The following ADAMTSL3 variants were observed in gnomAD, a reference collection of about 807,000 sequenced individuals.
The protein encoded by ADAMTSL3 is ADAMTS like 3, also known as ADAMTS-like protein 3.
A neutral mutation model predicts 201.7 loss-of-function variants in ADAMTSL3; 128 were observed. The ratio of observed to expected loss-of-function variants is 0.63; its 90% CI spans 0.55 to 0.73. The LOEUF is 0.73. Ranked by LOEUF, ADAMTSL3 falls within the 30% of genes least tolerant of loss-of-function variation. The pLI, the probability that ADAMTSL3 is intolerant of heterozygous loss-of-function variation, is 0.00. For missense variants in ADAMTSL3, 1,990 were observed against 2,119.6 expected (o/e 0.94, Z 1.20); for synonymous variants, 738 against 748.4 (o/e 0.99, Z 0.23).
chr15:83,911,317 T>C (rs937912869), intron 15 of ADAMTSL3, among the ~76,000 whole-genome samples: 2 of 152,234 alleles, frequency 1.3e-5, no homozygotes, highest in Non-Finnish European at 2.9e-5. Context: ...TATATATAGA[T>C]AGTGTATGTT....
At chr15:83,992,551 C>T (rs1366718455) in intron 23 of ADAMTSL3, among the ~76,000 whole-genome samples, 2 of 152,148 alleles carry the variant, frequency 1.3e-5, no homozygotes, top group African/African-American at 2.4e-5. Flanking sequence ...TTTCTACAGC[C>T]CTATACCTGC....
At chr15:83,871,545 A>G (rs2141829360) in intron 9 of ADAMTSL3, among the ~76,000 whole-genome samples, 1 of 152,290 alleles carries the variant, frequency 6.6e-6, no homozygotes. Flanking sequence ...CCCTTAGAAC[A>G]TGCAGTCTTG....
At position 83,783,720 on chromosome 15, in the gene ADAMTSL3, C is replaced by T. The variant is rs138951173; in HGVS notation, c.317+10070C>T. ...CACCCATATACGGAAGTTTAATAGCCCTGAATACACATATTAGAAAAGAAA... is the reference window on the plus strand; with the variant it reads ...CACCCATATACGGAAGTTTAATAGCTCTGAATACACATATTAGAAAAGAAA... On this transcript the variant is annotated intron_variant, in intron 4 of 29. Coordinates refer to ENST00000286744, the MANE Select transcript of ADAMTSL3 (RefSeq NM_207517.3). 9.2e-3 allele frequency among the ~76,000 whole-genome samples: 1,396 copies of T among 151,050 alleles called. 23 individuals are homozygous for T. The highest frequency in any genetic ancestry group is 0.032 in the African/African-American group (1,313 of 41,088).
At chr15:83,768,947 C>A (rs187242267) in intron 3 of ADAMTSL3, among the ~76,000 whole-genome samples, 1 of 152,244 alleles carries the variant, frequency 6.6e-6, no homozygotes, top group Non-Finnish European at 1.5e-5. Flanking sequence ...GTCTTCCTGG[C>A]TGAGGAGAGG....
chr15:83,804,660 G>A lies in ADAMTSL3; in HGVS notation c.328G>A (p.Gly110Arg), dbSNP rs764249671. The A allele has an allele frequency of 1.5e-5, 23 of 1,582,264 alleles. No individual in the cohort carries two copies. The highest frequency in any genetic ancestry group is 2.0e-5 in the Non-Finnish European group (23 of 1,164,564). ...RRCLTGRNCE[G>R]QNIRYKTCSN... Reference sequence around the variant, plus strand: ...TCTTTTTTCCTTTAGGAATTGTGAAGGGCAGAACATTCGGTACAAGACATG... The same window carrying A: ...TCTTTTTTCCTTTAGGAATTGTGAAAGGCAGAACATTCGGTACAAGACATG... Residue 110 changes from glycine (G) to arginine (R), a missense_variant, in exon 5 of 30, where the codon GGG (glycine) becomes AGG (arginine). Coordinates refer to ENST00000286744, the MANE Select transcript of ADAMTSL3 (RefSeq NM_207517.3).
chr15:83,843,572 G>A (rs1262908455), intron 7 of ADAMTSL3, among the ~76,000 whole-genome samples: 2 of 152,162 alleles, frequency 1.3e-5, no homozygotes, highest in African/African-American at 2.4e-5. Context: ...TGCTTTGTGT[G>A]AAAGAAATGT....
chr15:83,690,429 C>G (rs375495412), intron 2 of ADAMTSL3, among the ~76,000 whole-genome samples: 1 of 152,128 alleles, frequency 6.6e-6, no homozygotes, highest in Non-Finnish European at 1.5e-5. Context: ...TGTTGCCCCC[C>G]GTCTCCTGTC....
At position 83,890,228 on chromosome 15, in the gene ADAMTSL3, A is replaced by G. The variant is rs776025453; in HGVS notation, c.1192A>G (p.Met398Val). 2.5e-6 allele frequency: 4 copies of G among 1,613,926 alleles called. No individual in the cohort carries two copies. The East Asian group carries it at 6.7e-5, about 27-fold the overall frequency. Residue 398 changes from methionine to valine, a missense_variant, in exon 11 of 30, where the codon ATG becomes GTG. By Grantham distance (21) the Met-to-Val change is conservative. Transcript: ENST00000286744. ...KPKPKLKECS[M>V]DPCPSSDGFK... ...AAAACCAAAACTGAAGGAATGCAGCATGGATCCCTGCCCATCAAGGTTTGT... is the reference window on the plus strand; with the variant it reads ...AAAACCAAAACTGAAGGAATGCAGCGTGGATCCCTGCCCATCAAGGTTTGT...
intron 11 of ADAMTSL3, chr15:83,891,024 G>A (rs1017997882): frequency 1.1e-4 from 32 of 280,554 alleles, no homozygotes; most frequent in African/African-American, 7.1e-4. Flanking sequence ...AATATATTAA[G>A]AGAGTAATGA....
intron 2 of ADAMTSL3, among the ~76,000 whole-genome samples, chr15:83,671,294 C>G (rs1465319913): frequency 6.6e-6 from 1 of 152,080 alleles, no homozygotes; most frequent in African/African-American, 2.4e-5. Flanking sequence ...GGGCACAGAA[C>G]TTTTTGGGGG....
intron 12 of ADAMTSL3, 93 bp from the exon 13 acceptor site, chr15:83,892,591 T>C (rs1490393328): frequency 1.6e-6 from 2 of 1,261,328 alleles, no homozygotes; most frequent in Non-Finnish European, 2.2e-6. Context: ...TGAACCACAA[T>C]TGATACCTTA....
intron 21 of ADAMTSL3, among the ~76,000 whole-genome samples, chr15:83,987,898 G>A (rs1393994237): frequency 3.9e-5 from 6 of 152,106 alleles, no homozygotes; most frequent in Non-Finnish European, 2.9e-5. Context: ...ACTGATCCGG[G>A]TGATTTAGAA....
At chr15:83,736,110 G>C (rs2062365750) in intron 3 of ADAMTSL3, among the ~76,000 whole-genome samples, 1 of 152,048 alleles carries the variant, frequency 6.6e-6, no homozygotes, top group South Asian at 2.1e-4. Flanking sequence ...TGTGTAATAA[G>C]CTAGTGTTCA....
chr15:83,825,878 G>A (rs947713183), intron 6 of ADAMTSL3, among the ~76,000 whole-genome samples: 1 of 152,112 alleles, frequency 6.6e-6, no homozygotes, highest in Non-Finnish European at 1.5e-5. Context: ...ACCAGTGGAG[G>A]TGGGAAACCA....
In ADAMTSL3 at chr15:83,942,925, G is replaced by A; in HGVS notation, c.2333G>A (p.Gly778Glu). 1 of 1,604,878 alleles carries A rather than the reference G, an allele frequency of 6.2e-7. No individual in the cohort carries two copies. Among genetic ancestry groups the A allele is most frequent in the Non-Finnish European group, 8.5e-7 (1 of 1,175,294 alleles). Residue 778 changes from glycine (G) to glutamate (E), a missense_variant, in exon 19 of 30, where the codon GGA becomes GAA. Transcript: ENST00000286744. Reference protein sequence around the residue: ...WQQCSRTCGGGTQNRRVTCRQ... With the variant: ...WQQCSRTCGGETQNRRVTCRQ... ...TAGTGTTCCAGGACTTGTGGCGGGG[G>A]AACTCAGAACAGAAGAGTCACCTGT...
chr15:83,956,791 T>C lies in ADAMTSL3; in HGVS notation c.2491-13693T>C, dbSNP rs76348640. ...ACATGTTTGTATCCCACTTGGTGCTTGGTAAACACTTTTTGGCTGAAGTAT... is the reference window on the plus strand; with the variant it reads ...ACATGTTTGTATCCCACTTGGTGCTCGGTAAACACTTTTTGGCTGAAGTAT... On this transcript the variant is annotated intron_variant, in intron 19 of 29. Transcript: ENST00000286744. Among the ~76,000 whole-genome samples, 43 of 152,300 alleles carry C rather than the reference T, an allele frequency of 2.8e-4. No homozygotes were observed. In the East Asian group the frequency reaches 8.3e-3, roughly 29 times the overall value.
At position 84,037,774 on chromosome 15, in the gene ADAMTSL3, CAA is replaced by C; in HGVS notation, c.5046_5047del (p.Arg1683ValfsTer41). On this transcript the variant is annotated frameshift_variant, in exon 30 of 30. Coordinates refer to ENST00000286744, the MANE Select transcript of ADAMTSL3 (RefSeq NM_207517.3). LOFTEE classifies it high-confidence loss of function. ...TTTGTGTTCTCTAGACCGCTACAAA[CAA>C]AGGTGCTGCCAGTCATGTCAAGAGG... ...LNLCSLDRYK[Q>X]RCCQSCQEG is the part of the protein sequence containing the mutation. The C allele has an allele frequency of 2.5e-6, 4 of 1,613,954 alleles. No individual in the cohort carries two copies. The highest frequency in any genetic ancestry group is 3.4e-6 in the Non-Finnish European group (4 of 1,179,956).
chr15:83,899,805 T>G, intron 15 of ADAMTSL3, 74 bp downstream of exon 15: 1 of 1,532,094 alleles, frequency 6.5e-7, no homozygotes, highest in Non-Finnish European at 8.8e-7. Context: ...TTTGTACTCA[T>G]TGGAGTACAG....
intron 6 of ADAMTSL3, among the ~76,000 whole-genome samples, chr15:83,820,906 T>TC (rs1198259009): frequency 1.3e-5 from 2 of 152,070 alleles, no homozygotes; most frequent in African/African-American, 4.8e-5. Context: ...AAACCCCATC[T>TC]CCACTAAAAA....
Sources: allele counts gnomAD v4.1 joint callset (sites outside exome capture counted in the v4.1 genomes callset), GRCh38; gene constraint gnomAD v4.1.1; transcripts MANE v1.5; gene names NCBI Gene and HGNC (gene_info 2026-07-23, HGNC 2026-07-21).